EXOC4: variants seen among roughly 807,000 people sequenced by gnomAD.
The protein encoded by EXOC4 is SEC8-like 1.
A neutral mutation model predicts 107.2 loss-of-function variants in EXOC4; 71 were observed. That is an observed-to-expected ratio of 0.66 (90% confidence interval 0.55 to 0.81). EXOC4 has a LOEUF of 0.81. EXOC4 is among the 30% of genes least tolerant of loss of function. EXOC4 has a pLI of 0.00. For synonymous variants in EXOC4, 456 were observed against 441.2 expected (o/e 1.03, Z -0.42); for missense variants, 1,108 against 1,189.6 (o/e 0.93, Z 1.01).
chr7:133,813,536 T>A (rs1383106173), intron 10 of EXOC4, among the ~76,000 whole-genome samples: 1 of 152,168 alleles, frequency 6.6e-6, no homozygotes, highest in Non-Finnish European at 1.5e-5. Flanking sequence ...TGCACCTGGG[T>A]AGAGTATCTT....
intron 14 of EXOC4, among the ~76,000 whole-genome samples, chr7:133,990,831 G>C (rs1585305211): frequency 1.3e-5 from 2 of 152,202 alleles, no homozygotes; most frequent in East Asian, 3.9e-4. Flanking sequence ...TTCATGAATT[G>C]GTGGATATTT....
At chr7:133,371,907 TG>T (rs1192313671) in intron 6 of EXOC4, among the ~76,000 whole-genome samples, 1 of 152,234 alleles carries the variant, frequency 6.6e-6, no homozygotes, top group Non-Finnish European at 1.5e-5. Context: ...TTATTGCTTT[TG>T]TTTTTGATTG....
intron 1 of EXOC4, chr7:133,253,497 T>A: frequency 9.1e-7 from 1 of 1,093,230 alleles, no homozygotes; most frequent in Non-Finnish European, 1.1e-6. Flanking sequence ...TGTAAAGGTG[T>A]GTTTATTGAT....
chr7:133,582,964 C>T lies in EXOC4; in HGVS notation c.1418-47081C>T, dbSNP rs369467051. Among the ~76,000 whole-genome samples the T allele has an allele frequency of 1.5e-4, 23 of 152,236 alleles. No individual in the cohort carries two copies. In the East Asian group the frequency reaches 3.3e-3, roughly 22 times the overall value. On this transcript the variant is annotated intron_variant, in intron 9 of 17. Coordinates refer to ENST00000253861, the MANE Select transcript of EXOC4 (RefSeq NM_021807.4). Reference sequence around the variant, plus strand: ...TAGAAGTTAAGAAACATCAGTATTACGTATTCTTTAGTGTTGTTTAACAGC... The same window carrying T: ...TAGAAGTTAAGAAACATCAGTATTATGTATTCTTTAGTGTTGTTTAACAGC...
intron 11 of EXOC4, among the ~76,000 whole-genome samples, chr7:133,868,681 TA>T (rs1325347555): frequency 1.3e-5 from 2 of 152,180 alleles, no homozygotes; most frequent in Non-Finnish European, 2.9e-5. Context: ...CCTTCCCTCC[TA>T]TTCACACAGG....
At chr7:133,579,686 C>CTTT (rs11368284) in intron 9 of EXOC4, among the ~76,000 whole-genome samples, 11 of 139,798 alleles carry the variant, frequency 7.9e-5, no homozygotes, top group Non-Finnish European at 4.6e-5. Context: ...CACAACTTTA[C>CTTT]TTTTTTTTTT....
chr7:133,429,229 A>C (rs913407411), intron 7 of EXOC4, among the ~76,000 whole-genome samples: 2 of 152,290 alleles, frequency 1.3e-5, no homozygotes, highest in South Asian at 4.1e-4. Context: ...TTTTGAATCA[A>C]TCTTGATGTT....
At chr7:133,944,360 T>C (rs117889783) in intron 14 of EXOC4, among the ~76,000 whole-genome samples, 1,584 of 152,242 alleles carry the variant, frequency 0.01, 12 homozygotes, top group Non-Finnish European at 0.017. Flanking sequence ...GGAATTCTGG[T>C]TGGGTATTTG....
intron 10 of EXOC4, among the ~76,000 whole-genome samples, chr7:133,764,323 T>TA (rs1585129469): frequency 6.6e-6 from 1 of 151,998 alleles, no homozygotes; most frequent in Non-Finnish European, 1.5e-5. Flanking sequence ...CTCCCACCAT[T>TA]AAAAAAACCT....
At chr7:133,840,832 A>G (rs1448906421) in intron 11 of EXOC4, among the ~76,000 whole-genome samples, 1 of 152,096 alleles carries the variant, frequency 6.6e-6, no homozygotes, top group Non-Finnish European at 1.5e-5. Context: ...TGTTACCTTT[A>G]TGATTATTAA....
At chr7:133,482,975 A>G (rs1799189723) in intron 9 of EXOC4, among the ~76,000 whole-genome samples, 1 of 143,494 alleles carries the variant, frequency 7.0e-6, no homozygotes. Context: ...AAATACACAC[A>G]CATTCTGGGG....
chr7:133,773,895 G>A (rs1796295183), intron 10 of EXOC4, among the ~76,000 whole-genome samples: 1 of 152,014 alleles, frequency 6.6e-6, no homozygotes, highest in Non-Finnish European at 1.5e-5. Flanking sequence ...TTATTTTATG[G>A]TGGTAGTGGT....
At chr7:133,940,296 G>A (rs773067468) in intron 14 of EXOC4, among the ~76,000 whole-genome samples, 3 of 152,162 alleles carry the variant, frequency 2.0e-5, no homozygotes, top group Non-Finnish European at 2.9e-5. Context: ...GTAATTGCAC[G>A]ATTTAGCTGT....
chr7:133,365,867 A>G (rs190146316), intron 6 of EXOC4, among the ~76,000 whole-genome samples: 6 of 152,306 alleles, frequency 3.9e-5, no homozygotes, highest in Non-Finnish European at 5.9e-5. Context: ...ATAAAATTAT[A>G]AAGTTTTTAT....
At position 133,384,732 on chromosome 7, in the gene EXOC4, A is replaced by AT. The variant is rs1211378494; in HGVS notation, c.1182+9733dup. Among the ~76,000 whole-genome samples the AT allele has an allele frequency of 1.9e-4, 10 of 51,630 alleles. No individual in the cohort carries two copies. In the South Asian group the frequency reaches 6.8e-3, roughly 35 times the overall value. 33.9% of individuals were successfully genotyped at this position (51,630 alleles called of 152,430 possible). On this transcript the variant is annotated intron_variant, in intron 7 of 17. Transcript: ENST00000253861. ...TGGTCTTTTTTTTTTTTTTAAGCGT[A>AT]TTTAAAAAAAAAAAACGTTTTCTGA...
At chr7:133,345,460 C>T (rs1795762710) in intron 5 of EXOC4, among the ~76,000 whole-genome samples, 2 of 152,100 alleles carry the variant, frequency 1.3e-5, no homozygotes, top group Admixed American at 1.3e-4. Flanking sequence ...GTTTATTCAT[C>T]TGTTCCTTGT....
chr7:134,029,692 T>A (rs1291166806), intron 17 of EXOC4, among the ~76,000 whole-genome samples: 2 of 152,102 alleles, frequency 1.3e-5, no homozygotes, highest in East Asian at 3.9e-4. Flanking sequence ...GCTAATTTTT[T>A]AAAATTTTTG....
At chr7:133,278,400 C>T (rs1413651194) in intron 2 of EXOC4, among the ~76,000 whole-genome samples, 1 of 152,136 alleles carries the variant, frequency 6.6e-6, no homozygotes, top group Admixed American at 6.5e-5. Context: ...AGAAGTGCTA[C>T]ACACACCCCC....
chr7:133,733,512 A>AT (rs1238820893), intron 10 of EXOC4: 2 of 152,124 alleles, frequency 1.3e-5, no homozygotes, highest in African/African-American at 4.8e-5. Context: ...AAAAATAAAG[A>AT]TAAAAAAAGG....
Sources: gnomAD v4.1 joint callset for allele counts (sites outside exome capture counted in the v4.1 genomes callset) on GRCh38, gnomAD v4.1.1 for gene constraint, MANE v1.5 for transcripts, NCBI Gene and HGNC (gene_info 2026-07-23, HGNC 2026-07-21) for gene names.